Variants in ANKRD27 observed in about 807,000 individuals in gnomAD.
The protein encoded by ANKRD27 is ankyrin repeat domain 27, also known as ankyrin repeat domain-containing protein 27.
Under a neutral mutation model 129.7 loss-of-function variants are expected in ANKRD27, and 112 were observed. The observed-to-expected ratio is 0.86, with a 90% confidence interval of 0.74 to 1.01. The LOEUF is 1.01. ANKRD27 is among the 50% of genes least tolerant of loss of function. The probability of loss-of-function intolerance (pLI) is 0.00; values close to 1 mark genes in which losing one functional copy is unlikely to be tolerated. For synonymous variants in ANKRD27, 516 were observed against 511.2 expected (o/e 1.01, Z -0.13); for missense variants, 1,258 against 1,300.5 (o/e 0.97, Z 0.50).
intron 2 of ANKRD27, among the ~76,000 whole-genome samples, chr19:32,650,422 C>T (rs369341134): frequency 1.1e-4 from 16 of 152,202 alleles, no homozygotes; most frequent in African/African-American, 3.9e-4. Context: ...GGTGGTGGCG[C>T]ACGCCTGTAA....
At chr19:32,626,869 G>C (rs62124306) in intron 15 of ANKRD27, 42 bp from the exon 16 acceptor site, 42,070 of 1,410,528 alleles carry the variant, frequency 0.03, 1,192 homozygotes, top group African/African-American at 0.12. Context: ...GGAAGGCGCA[G>C]AGGCCTTCCA....
intron 21 of ANKRD27, among the ~76,000 whole-genome samples, chr19:32,616,518 A>G (rs1244236988): frequency 7.9e-5 from 11 of 139,866 alleles, no homozygotes; most frequent in Non-Finnish European, 1.5e-4. Flanking sequence ...ATGCCACTGC[A>G]CTCCTGGATG....
intron 5 of ANKRD27, among the ~76,000 whole-genome samples, chr19:32,644,113 G>A (rs1038629578): frequency 5.3e-5 from 8 of 151,904 alleles, no homozygotes; most frequent in Admixed American, 1.3e-4. Context: ...AGCCTCAAGA[G>A]ATCCTCCCAT....
chr19:32,605,782 C>G (rs1413858186), intron 24 of ANKRD27, 53 bp downstream of exon 24: 10 of 1,598,110 alleles, frequency 6.3e-6, no homozygotes, highest in East Asian at 2.3e-5. Flanking sequence ...TGGGTGGAGG[C>G]GCCCTGTTAA....
chr19:32,628,608 T>A, intron 14 of ANKRD27, 114 bp downstream of exon 14: 1 of 1,360,270 alleles, frequency 7.4e-7, no homozygotes, highest in Non-Finnish European at 1.0e-6. Flanking sequence ...CAGAGGCAGC[T>A]GGGGGGCAGG....
In ANKRD27 at chr19:32,631,413, A is replaced by C; in HGVS notation, c.1198T>G (p.Cys400Gly). 6.2e-7 allele frequency: 1 copy of C among 1,613,988 alleles called. No individual in the cohort carries two copies. The highest frequency in any genetic ancestry group is 8.5e-7 in the Non-Finnish European group (1 of 1,179,876). ...LSQMTSSPTD[C>G]LFKHIASGNQ... Reference sequence around the variant, plus strand: ...TCTTGGTATCTCACCTTAAACAGGCAGTCGGTGGGAGACGAAGTCATCTGA... The same window carrying C: ...TCTTGGTATCTCACCTTAAACAGGCCGTCGGTGGGAGACGAAGTCATCTGA... Residue 400 changes from cysteine to glycine, a missense_variant, in exon 13 of 29, where the codon TGC becomes GGC. By Grantham distance (159) the Cys-to-Gly change is radical. Coordinates refer to ENST00000306065, the MANE Select transcript of ANKRD27 (RefSeq NM_032139.3).
chr19:32,657,589 C>A (rs866511653), intron 2 of ANKRD27, among the ~76,000 whole-genome samples: 30 of 151,458 alleles, frequency 2.0e-4, no homozygotes, highest in African/African-American at 7.3e-4. Context: ...CGCCACTGCA[C>A]TCCAGCCTGA....
intron 25 of ANKRD27, 137 bp downstream of exon 25, chr19:32,604,126 C>A (rs1473382346): frequency 5.2e-6 from 5 of 965,168 alleles, no homozygotes; most frequent in Non-Finnish European, 7.3e-6. Context: ...CTGTGGACTT[C>A]TGGCACACCA....
chr19:32,628,585 C>A, intron 14 of ANKRD27, 137 bp downstream of exon 14: 1 of 1,109,068 alleles, frequency 9.0e-7, no homozygotes, highest in South Asian at 1.5e-5. Context: ...CTGTTATCAT[C>A]TCCACTGTAC....
chr19:32,670,821 G>A (rs1041194767), intron 1 of ANKRD27, among the ~76,000 whole-genome samples: 2 of 152,042 alleles, frequency 1.3e-5, no homozygotes, highest in African/African-American at 4.8e-5. Context: ...GTGAAACCCT[G>A]TCTCTACTAA....
intron 4 of ANKRD27, 101 bp from the exon 5 acceptor site, chr19:32,644,580 G>A: frequency 7.4e-7 from 1 of 1,350,074 alleles, no homozygotes; most frequent in South Asian, 1.4e-5. Flanking sequence ...GAGGGCAAAT[G>A]TCCTTATTTC....
rs12461583 is a variant in ANKRD27 at position 32,636,028 on chromosome 19, C to G, written c.1116+3328G>C. On this transcript the variant is annotated intron_variant, in intron 12 of 28. Coordinates refer to ENST00000306065, the MANE Select transcript of ANKRD27 (RefSeq NM_032139.3). ...CTTGCACTGCTGCACCCATGACCCA[C>G]AACCGTGGCTGAGGAAGACATTGCA... 2,624 of 152,608 alleles carry G rather than the reference C, an allele frequency of 0.017. 139 individuals carry two copies. The East Asian group carries it at 0.21, about 12-fold the overall frequency. The allele number at this position is 152,608 out of a possible 1,614,324, so 9.5% of individuals were successfully genotyped here. A position where few individuals can be genotyped will look rare whatever the true frequency, so the allele number is the denominator to read the frequency against.
intron 22 of ANKRD27, among the ~76,000 whole-genome samples, chr19:32,612,182 T>G (rs778039182): frequency 6.6e-6 from 1 of 152,064 alleles, no homozygotes. Flanking sequence ...GCAGGATCTG[T>G]ATGCTGAAAA....
In ANKRD27 at chr19:32,604,343, C is replaced by A; in HGVS notation, c.2575G>T (p.Val859Leu). The A allele has an allele frequency of 2.5e-6, 4 of 1,613,974 alleles. No homozygotes were observed. The highest frequency in any genetic ancestry group is 3.4e-6 in the Non-Finnish European group (4 of 1,179,874). The stretch of plus-strand genomic sequence containing the variant: ...GCTCCGTGGAGCAGAAGCAGCTCTA[C>A]CACGAAGACGTGCTTTTCAATCACA... The part of the protein sequence containing the change: ...EAVIEKHVFV[V>L]ELLLLHGASV... The change falls in exon 25 of 29, where the codon GTA becomes TTA. Residue 859 changes from valine (V) to leucine (L), a missense_variant. By Grantham distance (32) the Val-to-Leu change is conservative. Coordinates refer to ENST00000306065, the MANE Select transcript of ANKRD27 (RefSeq NM_032139.3).
At chr19:32,664,838 T>C (rs963799981) in intron 1 of ANKRD27, among the ~76,000 whole-genome samples, 5 of 144,502 alleles carry the variant, frequency 3.5e-5, no homozygotes, top group African/African-American at 1.3e-4. Context: ...GAGAATCGCT[T>C]GAGCCCAGGA....
chr19:32,673,641 C>T (rs908086168), intron 1 of ANKRD27, among the ~76,000 whole-genome samples: 8 of 152,192 alleles, frequency 5.3e-5, no homozygotes, highest in Admixed American at 2.0e-4. Context: ...CCCCTGGGAA[C>T]GACCCTATGT....
chr19:32,599,852 C>A, intron 27 of ANKRD27, 76 bp from the exon 28 acceptor site: 2 of 1,533,958 alleles, frequency 1.3e-6, no homozygotes, highest in Non-Finnish European at 9.0e-7. Flanking sequence ...AAGGTGGCAG[C>A]ATTTTTGACA....
At chr19:32,659,139 CTT>C (rs35323163) in intron 1 of ANKRD27, 94 bp from the exon 2 acceptor site, 7,990 of 154,858 alleles carry the variant, frequency 0.052, 136 homozygotes, top group African/African-American at 0.15. Context: ...TTTTCTTTTT[CTT>C]TTTTTTTTTT....
intron 17 of ANKRD27, 136 bp from the exon 18 acceptor site, chr19:32,622,755 A>AC: frequency 1.4e-6 from 1 of 726,472 alleles, no homozygotes; most frequent in Non-Finnish European, 2.3e-6. Flanking sequence ...TCTGATCAGG[A>AC]CACCTCATTC....
Sources: gnomAD v4.1 joint callset for allele counts (sites outside exome capture counted in the v4.1 genomes callset) on GRCh38, gnomAD v4.1.1 for gene constraint, MANE v1.5 for transcripts, NCBI Gene and HGNC (gene_info 2026-07-23, HGNC 2026-07-21) for gene names.